IFT46: variants seen among roughly 807,000 people sequenced by gnomAD.
The protein encoded by IFT46 is intraflagellar transport 46.
IFT46 carries 19 observed loss-of-function variants against 39.6 expected under a neutral mutation model. The ratio of observed to expected loss-of-function variants is 0.48; its 90% CI spans 0.33 to 0.70. IFT46 has a LOEUF of 0.70. IFT46 is among the 30% of genes least tolerant of loss of function. The pLI is 0.01. For synonymous variants in IFT46, 117 were observed against 134.8 expected (o/e 0.87, Z 0.91); for missense variants, 334 against 364.8 (o/e 0.92, Z 0.69).
chr11:118,572,340 C>CCGGGGGGGGGGGGGGGGGG, intron 1 of IFT46: 1 of 277,636 alleles, frequency 3.6e-6, no homozygotes. Flanking sequence ...CCCCAGCCCA[C>CCGGGGGGGGGGGGGGGGGG]AGGCCCCGCC....
At chr11:118,552,965 G>T (rs1937698134) in intron 7 of IFT46, among the ~76,000 whole-genome samples, 1 of 150,456 alleles carries the variant, frequency 6.6e-6, no homozygotes, top group Non-Finnish European at 1.5e-5. Context: ...CACACCTGTG[G>T]TCTGTCCCGG....
chr11:118,572,705 C>A, exon 1 of IFT46: 1 of 857,118 alleles, frequency 1.2e-6, no homozygotes, highest in Non-Finnish European at 1.8e-6. Context: ...GCCTCCTGTG[C>A]CCGGTCTCCT....
At chr11:118,569,262 A>G (rs1938289668), upstream of IFT46, among the ~76,000 whole-genome samples, 2 of 151,758 alleles carry the variant, frequency 1.3e-5, no homozygotes, top group South Asian at 4.2e-4. Flanking sequence ...CCGGGCAACA[A>G]AAGCGAAACT....
At chr11:118,570,045 CTTTTTTTTTTT>C (rs1162103875), upstream of IFT46, among the ~76,000 whole-genome samples, 1 of 113,550 alleles carries the variant, frequency 8.8e-6, no homozygotes, top group Non-Finnish European at 1.8e-5. Context: ...CCACGCCCAG[CTTTTTTTTTTT>C]TTTTTTTTTT....
rs1555068630 is a variant in IFT46 at position 118,552,244 on chromosome 11, G to A, written c.575C>T (p.Ser192Phe). 6.2e-7 allele frequency: 1 copy of A among 1,614,178 alleles called. No individual in the cohort carries two copies. The change falls in exon 8 of 12, where the codon TCT becomes TTT. Residue 192 changes from serine to phenylalanine, a missense_variant. Ser to Phe is a radical substitution (Grantham distance 155, BLOSUM62 -2). Coordinates refer to ENST00000264021, the MANE Select transcript of IFT46 (RefSeq NM_001168618.2). ...GTAGTGCACAGTCGCAGGGGGCTTA[G>A]AACGGTGTAATTCAGAGATGCTCTC... ...WIESISELHR[S>F]KPPATVHYTR...
intron 3 of IFT46, 53 bp from the exon 4 acceptor site, chr11:118,557,098 A>G (rs1591367353): frequency 2.0e-6 from 3 of 1,474,648 alleles, no homozygotes; most frequent in Admixed American, 2.3e-5. Flanking sequence ...AATCAAATGT[A>G]CCTATGCCCA....
intron 6 of IFT46, 50 bp downstream of exon 6, chr11:118,554,940 G>A: frequency 7.9e-7 from 1 of 1,257,978 alleles, no homozygotes; most frequent in Non-Finnish European, 1.2e-6. Flanking sequence ...AGTAACAGGG[G>A]CATCAGAAGA....
chr11:118,567,967 G>T (rs999705413), upstream of IFT46, among the ~76,000 whole-genome samples: 1 of 152,144 alleles, frequency 6.6e-6, no homozygotes, highest in African/African-American at 2.4e-5. Flanking sequence ...CCAAACACAG[G>T]TCAGTCTGAT....
chr11:118,572,754 G>A, exon 1 of IFT46: 2 of 529,272 alleles, frequency 3.8e-6, no homozygotes, highest in Non-Finnish European at 3.3e-6. Flanking sequence ...ATCTGTCGTC[G>A]TGCCCGCTTC....
At chr11:118,549,947 G>T (rs782379796) in intron 9 of IFT46, among the ~76,000 whole-genome samples, 47 of 137,080 alleles carry the variant, frequency 3.4e-4, no homozygotes, top group Non-Finnish European at 5.3e-4. Flanking sequence ...TTTTTGAGAT[G>T]GAGTCTCGCT....
At chr11:118,550,937 G>T (rs1274142729) in intron 9 of IFT46, among the ~76,000 whole-genome samples, 1 of 150,078 alleles carries the variant, frequency 6.7e-6, no homozygotes, top group Non-Finnish European at 1.5e-5. Flanking sequence ...TGAGGCAGGA[G>T]AATTGCTTGA....
chr11:118,559,905 AT>A, intron 2 of IFT46, 41 bp from the exon 3 acceptor site: 3 of 1,158,214 alleles, frequency 2.6e-6, no homozygotes, highest in Non-Finnish European at 3.8e-6. Flanking sequence ...TGTTAAAATG[AT>A]TTTTAAAAAC....
At chr11:118,560,075 G>A (rs1173550261) in intron 2 of IFT46, 23 of 553,788 alleles carry the variant, frequency 4.2e-5, no homozygotes, top group Non-Finnish European at 6.4e-5. Flanking sequence ...TTAAGGCATT[G>A]GGTTAGACAT....
chr11:118,576,656 A>G (rs550400440), upstream of IFT46, among the ~76,000 whole-genome samples: 2 of 152,314 alleles, frequency 1.3e-5, no homozygotes, highest in East Asian at 1.9e-4. Flanking sequence ...TATCATGTTT[A>G]GAGGTGACCA....
upstream of IFT46, among the ~76,000 whole-genome samples, chr11:118,574,495 CAT>C (rs1555073079): frequency 6.6e-6 from 1 of 151,946 alleles, no homozygotes; most frequent in Non-Finnish European, 1.5e-5. Flanking sequence ...CTATAACTAA[CAT>C]TTCACTATAT....
chr11:118,558,177 T>C (rs1937905516), intron 3 of IFT46, among the ~76,000 whole-genome samples: 1 of 152,262 alleles, frequency 6.6e-6, no homozygotes, highest in Admixed American at 6.5e-5. Context: ...TTGCAGAATT[T>C]ATTCAGTGAC....
chr11:118,548,893 CT>C lies in IFT46; in HGVS notation c.672+2892del, dbSNP rs570165873. Among the ~76,000 whole-genome samples, 479 of 135,368 alleles carry C rather than the reference CT, an allele frequency of 3.5e-3. 2 individuals carry two copies. The highest frequency in any genetic ancestry group is 6.9e-3 in the South Asian group (29 of 4,174). The allele number at this position is 135,368 out of a possible 152,430, so 88.8% of individuals were successfully genotyped here. A position where few individuals can be genotyped will look rare whatever the true frequency, so the allele number is the denominator to read the frequency against. Reference sequence around the variant, plus strand: ...ATTTTGGCCTCCCACTCCATTATGACTTTTTTTTTTTTTTTTGGAGATGGAG... The same window carrying C: ...ATTTTGGCCTCCCACTCCATTATGACTTTTTTTTTTTTTTTGGAGATGGAG... On this transcript the variant is annotated intron_variant, in intron 9 of 11. Transcript: ENST00000264021.
chr11:118,547,832 CG>C (rs1951727672), intron 9 of IFT46, among the ~76,000 whole-genome samples: 1 of 149,480 alleles, frequency 6.7e-6, no homozygotes, highest in Non-Finnish European at 1.5e-5. Context: ...CTACAATCTC[CG>C]TCTCCCGGGT....
chr11:118,550,443 A>G (rs1455490231), intron 9 of IFT46, among the ~76,000 whole-genome samples: 1 of 152,114 alleles, frequency 6.6e-6, no homozygotes, highest in Non-Finnish European at 1.5e-5. Context: ...TATATTACTT[A>G]CATGGCTTTA....
Sources: gnomAD v4.1 joint callset for allele counts (sites outside exome capture counted in the v4.1 genomes callset) on GRCh38, gnomAD v4.1.1 for gene constraint, MANE v1.5 for transcripts, NCBI Gene and HGNC (gene_info 2026-07-23, HGNC 2026-07-21) for gene names.